The following RIMS1 variants were observed in gnomAD, a reference collection of about 807,000 sequenced individuals.
The protein encoded by RIMS1 is regulating synaptic membrane exocytosis 1.
RIMS1 carries 83 observed loss-of-function variants against 214.1 expected under a neutral mutation model. The observed-to-expected ratio is 0.39, with a 90% CI of 0.32 to 0.47. The LOEUF (loss-of-function observed/expected upper bound fraction) is 0.47. RIMS1 is among the 20% of genes least tolerant of loss of function. RIMS1 has a pLI of 0.99. For synonymous variants in RIMS1, 793 were observed against 786.8 expected, an observed-to-expected ratio of 1.01 and a Z score of -0.13; for missense variants, 2,050 against 2,161.8, an observed-to-expected ratio of 0.95 and a Z score of 1.03.
Position 72,179,844 on chromosome 6 carries a change from C to G in RIMS1, c.741C>G (p.Pro247=). The G allele has an allele frequency of 1.2e-6, 2 of 1,609,264 alleles. No homozygotes were observed. The highest frequency in any genetic ancestry group is 1.7e-6 in the Non-Finnish European group (2 of 1,177,226). The change falls in exon 5 of 34, where the codon CCC becomes CCG. Residue 247 remains proline (P), a synonymous_variant. Transcript: ENST00000521978. ...CAGACAGGAGCAAAGGGGCTGAGCC[C>G]TCGCAGCAAGCCTTGGGGCCTGAAC... ...APPDRSKGAE[P]SQQALGPEQK... is the part of the protein sequence containing the mutation.
chr6:71,903,391 A>G (rs999682992), intron 1 of RIMS1, among the ~76,000 whole-genome samples: 1 of 152,146 alleles, frequency 6.6e-6, no homozygotes, highest in Non-Finnish European at 1.5e-5. Flanking sequence ...ACTCAAAACT[A>G]TAAAAACCCT....
chr6:72,291,488 T>A (rs905309003), intron 25 of RIMS1, among the ~76,000 whole-genome samples: 2 of 152,230 alleles, frequency 1.3e-5, no homozygotes, highest in African/African-American at 4.8e-5. Flanking sequence ...AGTCTGCAGC[T>A]AGAATTCTTA....
intron 11 of RIMS1, among the ~76,000 whole-genome samples, chr6:72,246,438 A>C (rs1200643172): frequency 6.6e-6 from 1 of 152,188 alleles, no homozygotes; most frequent in African/African-American, 2.4e-5. Flanking sequence ...GCAATAAAAT[A>C]TAGACAATTA....
At chr6:72,209,043 G>C (rs1356860585) in intron 6 of RIMS1, among the ~76,000 whole-genome samples, 1 of 152,028 alleles carries the variant, frequency 6.6e-6, no homozygotes, top group Non-Finnish European at 1.5e-5. Flanking sequence ...TTTTAAACAT[G>C]CTTTTCCTTT....
chr6:71,969,368 G>A (rs570969809), intron 2 of RIMS1, among the ~76,000 whole-genome samples: 11 of 152,290 alleles, frequency 7.2e-5, no homozygotes, highest in African/African-American at 2.6e-4. Context: ...GAATGTGTAT[G>A]AGCTGGAATA....
intron 5 of RIMS1, among the ~76,000 whole-genome samples, chr6:72,180,535 C>G (rs903323750): frequency 1.3e-5 from 2 of 152,182 alleles, no homozygotes; most frequent in African/African-American, 4.8e-5. Flanking sequence ...CATTTTATAG[C>G]TTTTATTGTA....
chr6:72,185,187 A>G (rs745542053), intron 6 of RIMS1, among the ~76,000 whole-genome samples: 3 of 152,220 alleles, frequency 2.0e-5, no homozygotes, highest in Non-Finnish European at 4.4e-5. Context: ...TTAAAGGCTC[A>G]TTTGACATAG....
chr6:72,284,130 G>C lies in RIMS1; in HGVS notation c.3554+12G>C. 1 of 1,609,970 alleles carries C rather than the reference G, an allele frequency of 6.2e-7. No homozygotes were observed. Among genetic ancestry groups the C allele is most frequent in the South Asian group, 1.1e-5 (1 of 90,950 alleles). ...TCTGATGCAGAAAGGTAGGCTTGGTGTTGTGGTGTGCTGACATCTTCCATT... is the reference window on the plus strand; with the variant it reads ...TCTGATGCAGAAAGGTAGGCTTGGTCTTGTGGTGTGCTGACATCTTCCATT... On this transcript the variant is annotated intron_variant, in intron 24 of 33. Coordinates refer to ENST00000521978, the MANE Select transcript of RIMS1 (RefSeq NM_014989.7).
chr6:72,117,871 G>A (rs998181395), intron 4 of RIMS1, among the ~76,000 whole-genome samples: 1 of 151,848 alleles, frequency 6.6e-6, no homozygotes, highest in East Asian at 1.9e-4. Context: ...CAAGGAACTA[G>A]AGAAACAAGA....
chr6:72,184,295 G>A (rs1259693838), intron 6 of RIMS1, among the ~76,000 whole-genome samples: 7 of 152,158 alleles, frequency 4.6e-5, no homozygotes, highest in Admixed American at 1.3e-4. Context: ...GATGTGTACC[G>A]CAGATTGAGG....
chr6:72,214,810 C>T (rs982230683), intron 6 of RIMS1, among the ~76,000 whole-genome samples: 1 of 151,886 alleles, frequency 6.6e-6, no homozygotes, highest in Admixed American at 6.6e-5. Context: ...CAACCTCTGT[C>T]TCCTGGGTTC....
chr6:72,073,165 A>G (rs773715469), intron 2 of RIMS1, among the ~76,000 whole-genome samples: 7 of 152,078 alleles, frequency 4.6e-5, no homozygotes, highest in Non-Finnish European at 1.0e-4. Flanking sequence ...TATTTTTGTC[A>G]TCTATGCCAT....
At chr6:71,908,488 G>A (rs930004401) in intron 1 of RIMS1, among the ~76,000 whole-genome samples, 13 of 152,174 alleles carry the variant, frequency 8.5e-5, no homozygotes, top group African/African-American at 2.4e-4. Context: ...TGCTTCATAT[G>A]AGCCTCCTCT....
intron 4 of RIMS1, among the ~76,000 whole-genome samples, chr6:72,119,798 C>A (rs1182547461): frequency 6.6e-6 from 1 of 151,606 alleles, no homozygotes; most frequent in African/African-American, 2.4e-5. Context: ...GCTATCCTTC[C>A]CCCACTCCCC....
At chr6:71,994,809 T>C (rs1265383420) in intron 2 of RIMS1, among the ~76,000 whole-genome samples, 1 of 152,218 alleles carries the variant, frequency 6.6e-6, no homozygotes, top group East Asian at 1.9e-4. Flanking sequence ...ATTATGTTTG[T>C]TGCCTTGCAT....
chr6:72,182,295 C>T lies in RIMS1; in HGVS notation c.824C>T (p.Pro275Leu). ...SEPPRERKKT[P>L]GLSEQNGKGA... Reference sequence around the variant, plus strand: ...TTTGTATATCATAGAAAGAAGACCCCAGGGCTTTCCGAGCAGAATGGCAAA... The same window carrying T: ...TTTGTATATCATAGAAAGAAGACCCTAGGGCTTTCCGAGCAGAATGGCAAA... Residue 275 changes from proline (P) to leucine (L), a missense_variant, in exon 6 of 34, where the codon CCA becomes CTA. Around this residue, in one of 6 missense-constraint regions of RIMS1, gnomAD observed 882 missense variants for 828.9 expected, o/e 1.06. Coordinates refer to ENST00000521978, the MANE Select transcript of RIMS1 (RefSeq NM_014989.7). 6.3e-7 allele frequency: 1 copy of T among 1,593,290 alleles called. No homozygotes were observed. Among genetic ancestry groups the T allele is most frequent in the Non-Finnish European group, 8.5e-7 (1 of 1,171,352 alleles).
At chr6:72,258,609 A>G (rs1346719885) in intron 17 of RIMS1, among the ~76,000 whole-genome samples, 1 of 152,172 alleles carries the variant, frequency 6.6e-6, no homozygotes, top group East Asian at 1.9e-4. Context: ...CGAAGAGGAT[A>G]AGGTTAAGAG....
intron 4 of RIMS1, among the ~76,000 whole-genome samples, chr6:72,136,855 T>C (rs1056355917): frequency 2.0e-5 from 3 of 152,046 alleles, no homozygotes; most frequent in African/African-American, 7.2e-5. Flanking sequence ...TAATACAGCC[T>C]CCTAAATATA....
chr6:72,284,515 T>C (rs1434540346), intron 24 of RIMS1, among the ~76,000 whole-genome samples: 1 of 152,152 alleles, frequency 6.6e-6, no homozygotes, highest in Non-Finnish European at 1.5e-5. Context: ...TAATGCCATC[T>C]TTTAAAAAAA....
Sources: gnomAD v4.1 joint callset for allele counts (sites outside exome capture counted in the v4.1 genomes callset) on GRCh38, gnomAD v4.1.1 for gene constraint, gnomAD v4.1.1 regional missense constraint, MANE v1.5 for transcripts, NCBI Gene and HGNC (gene_info 2026-07-23, HGNC 2026-07-21) for gene names.